Variants in TMEM131L observed in about 807,000 individuals in gnomAD.
TMEM131L encodes transmembrane protein 131-like.
Under a neutral mutation model 192.2 loss-of-function variants are expected in TMEM131L, and 54 were observed. That is an observed-to-expected ratio of 0.28 (90% confidence interval 0.23 to 0.35). TMEM131L has a LOEUF of 0.35. TMEM131L is among the 10% of genes least tolerant of loss of function. The pLI is 1.00. For synonymous variants in TMEM131L, 701 were observed against 704.9 expected, an observed-to-expected ratio of 0.99 and a Z score of 0.09; for missense variants, 1,888 against 1,972.9, an observed-to-expected ratio of 0.96 and a Z score of 0.82.
chr4:153,622,153 G>T (rs1354929602), intron 28 of TMEM131L, among the ~76,000 whole-genome samples: 1 of 152,184 alleles, frequency 6.6e-6, no homozygotes, highest in African/African-American at 2.4e-5. Flanking sequence ...TGAAAGGGGG[G>T]AGTAGCCAAG....
chr4:153,528,927 C>T (rs1174620352), intron 3 of TMEM131L, among the ~76,000 whole-genome samples: 5 of 152,134 alleles, frequency 3.3e-5, no homozygotes, highest in Non-Finnish European at 5.9e-5. Context: ...TTTTGGCACC[C>T]TTTCGGTAGG....
intron 20 of TMEM131L, 67 bp from the exon 21 acceptor site, chr4:153,598,517 TATTTAA>T (rs1294116286): frequency 5.7e-6 from 7 of 1,236,596 alleles, no homozygotes; most frequent in African/African-American, 1.5e-5. Context: ...TAACTGGGAA[TATTTAA>T]ATTTAAGTAC....
chr4:153,570,546 T>C (rs1729516838), intron 7 of TMEM131L, among the ~76,000 whole-genome samples: 1 of 152,178 alleles, frequency 6.6e-6, no homozygotes, highest in African/African-American at 2.4e-5. Context: ...GTTTATAAAT[T>C]TGCCTGGCGG....
chr4:153,491,647 A>G (rs1732788213), intron 3 of TMEM131L, among the ~76,000 whole-genome samples: 1 of 152,078 alleles, frequency 6.6e-6, no homozygotes, highest in Non-Finnish European at 1.5e-5. Flanking sequence ...ATTTAATATA[A>G]TTAGTCTCTG....
chr4:153,558,575 G>C, intron 7 of TMEM131L: 1 of 375,614 alleles, frequency 2.7e-6, no homozygotes, highest in Admixed American at 4.0e-5. Context: ...TAATCTTATT[G>C]TTGGTCTTTT....
intron 7 of TMEM131L, among the ~76,000 whole-genome samples, chr4:153,576,763 C>A (rs1006807307): frequency 2.0e-5 from 3 of 149,654 alleles, no homozygotes; most frequent in Non-Finnish European, 4.4e-5. Context: ...AGTTTCAGAT[C>A]AGAAATACAC....
rs1002724817 is a variant in TMEM131L, at chr4:153,569,269, C to T, written c.660+10901C>T. On this transcript the variant is annotated intron_variant, in intron 7 of 34. Transcript: ENST00000409959. ...ATTTCCAGCCCTGTGCTTTCACCTT[C>T]TTGGACCTGTTCCTCCTTCCCCTGA... Among the ~76,000 whole-genome samples, 5 of 152,312 alleles carry T rather than the reference C, an allele frequency of 3.3e-5. No homozygotes were observed. The East Asian group carries it at 9.6e-4, about 29-fold the overall frequency.
At chr4:153,614,071 T>G (rs10004062) in intron 26 of TMEM131L, among the ~76,000 whole-genome samples, 6,635 of 152,188 alleles carry the variant, frequency 0.044, 385 homozygotes, top group African/African-American at 0.13. Context: ...AGGTGGAAAC[T>G]TGTGCAGGTA....
At chr4:153,478,447 G>A (rs1731701562) in intron 3 of TMEM131L, among the ~76,000 whole-genome samples, 1 of 152,184 alleles carries the variant, frequency 6.6e-6, no homozygotes, top group Admixed American at 6.5e-5. Context: ...TACAAAGATA[G>A]TACAGAGACG....
chr4:153,603,878 A>C lies in TMEM131L; in HGVS notation c.2866A>C (p.Thr956Pro), dbSNP rs755765193. Residue 956 changes from threonine (T) to proline (P), a missense_variant, in exon 25 of 35, where the codon ACT becomes CCT. Thr to Pro is a conservative substitution (Grantham distance 38). Transcript: ENST00000409959. The part of the protein sequence containing the change: ...GRGKNCLPVN[T>P]PQSRIQNAAK... Reference sequence around the variant, plus strand: ...GGGGAAGAACTGCCTTCCAGTGAACACTCCCCAAAGCAGGATCCAGAATGC... The same window carrying C: ...GGGGAAGAACTGCCTTCCAGTGAACCCTCCCCAAAGCAGGATCCAGAATGC... 6.2e-7 allele frequency: 1 copy of C among 1,613,876 alleles called. No individual in the cohort carries two copies. Among genetic ancestry groups the C allele is most frequent in the Admixed American group, 1.7e-5 (1 of 59,960 alleles).
intron 25 of TMEM131L, among the ~76,000 whole-genome samples, chr4:153,610,599 A>G (rs570083242): frequency 7.9e-5 from 12 of 152,350 alleles, no homozygotes; most frequent in African/African-American, 2.4e-4. Context: ...TTATGGTTAC[A>G]TAATATTTAT....
intron 19 of TMEM131L, among the ~76,000 whole-genome samples, chr4:153,594,870 C>T (rs1286017713): frequency 6.6e-6 from 1 of 152,178 alleles, no homozygotes; most frequent in Non-Finnish European, 1.5e-5. Flanking sequence ...ACCAGGAGGT[C>T]TTCAAGGCTA....
chr4:153,604,450 T>G lies in TMEM131L; in HGVS notation c.3418+20T>G. On this transcript the variant is annotated intron_variant, in intron 25 of 34. Transcript: ENST00000409959. ...ATAATGGTAATCTTTTCATCCCCTT[T>G]GATAATTCTCTCCTGTTTGTACCCA... is the stretch of plus-strand genomic sequence containing the variant. 6.3e-7 allele frequency: 1 copy of G among 1,579,724 alleles called. No individual in the cohort carries two copies. Among genetic ancestry groups the G allele is most frequent in the South Asian group, 1.2e-5 (1 of 84,910 alleles).
chr4:153,545,185 G>T lies in TMEM131L; in HGVS notation c.240-4888G>T, dbSNP rs116418050. ...GCAGCTTGCTCATTTTGTTGAAGAAGAAACTGAATCCCTGTGTCACATTGG... is the reference window on the plus strand; with the variant it reads ...GCAGCTTGCTCATTTTGTTGAAGAATAAACTGAATCCCTGTGTCACATTGG... On this transcript the variant is annotated intron_variant, in intron 3 of 34. Coordinates refer to ENST00000409959, the MANE Select transcript of TMEM131L (RefSeq NM_001131007.2). Among the ~76,000 whole-genome samples the T allele has an allele frequency of 6.7e-3, 1,021 of 152,148 alleles. 13 individuals carry two copies. Among genetic ancestry groups the T allele is most frequent in the African/African-American group, 0.023 (969 of 41,494 alleles).
Position 153,626,925 on chromosome 4 carries a change from A to G in TMEM131L, c.4125-680A>G, listed in dbSNP as rs78769637. ...AGATACATGTTTCCAGTTCTGCCCT[A>G]TGATGATTTCTGCAGCACTGGACAA... On this transcript the variant is annotated intron_variant, in intron 30 of 34. Coordinates refer to ENST00000409959, the MANE Select transcript of TMEM131L (RefSeq NM_001131007.2). Among the ~76,000 whole-genome samples the G allele has an allele frequency of 9.6e-3, 1,467 of 152,344 alleles. 18 individuals carry two copies. The highest frequency in any genetic ancestry group is 0.034 in the African/African-American group (1,397 of 41,570).
Position 153,580,854 on chromosome 4 carries a change from A to G in TMEM131L, c.689A>G (p.Gln230Arg). 1 of 1,612,640 alleles carries G rather than the reference A, an allele frequency of 6.2e-7. No homozygotes were observed. Among genetic ancestry groups the G allele is most frequent in the Non-Finnish European group, 8.5e-7 (1 of 1,178,720 alleles). ...QAETTNTSLL[Q>R]VQLECSLHNK... ...GAAACCACTAATACTAGCCTCTTGCAGGTGCAACTGGAATGCAGTTTACAT... is the reference window on the plus strand; with the variant it reads ...GAAACCACTAATACTAGCCTCTTGCGGGTGCAACTGGAATGCAGTTTACAT... The change falls in exon 8 of 35, where the codon CAG becomes CGG. Residue 230 changes from glutamine to arginine, a missense_variant. By Grantham distance (43) the Gln-to-Arg change is conservative. Transcript: ENST00000409959.
intron 3 of TMEM131L, among the ~76,000 whole-genome samples, chr4:153,478,118 G>T (rs1278173090): frequency 6.6e-6 from 1 of 152,092 alleles, no homozygotes; most frequent in South Asian, 2.1e-4. Flanking sequence ...AACTTGACTT[G>T]CAAACCTCTT....
At chr4:153,578,272 C>T (rs1477099692) in intron 7 of TMEM131L, among the ~76,000 whole-genome samples, 1 of 152,150 alleles carries the variant, frequency 6.6e-6, no homozygotes, top group Non-Finnish European at 1.5e-5. Context: ...GGGAGGATCG[C>T]TTGAGGCCAG....
At chr4:153,592,189 C>T (rs1405584331) in intron 17 of TMEM131L, among the ~76,000 whole-genome samples, 1 of 150,782 alleles carries the variant, frequency 6.6e-6, no homozygotes, top group Non-Finnish European at 1.5e-5. Context: ...TCAGAGATCC[C>T]ACTGTCATAC....
Sources: gnomAD v4.1 joint callset for allele counts (sites outside exome capture counted in the v4.1 genomes callset) on GRCh38, gnomAD v4.1.1 for gene constraint, MANE v1.5 for transcripts, NCBI Gene and HGNC (gene_info 2026-07-23, HGNC 2026-07-21) for gene names.